Variants in PDE1C observed in about 807,000 individuals in gnomAD.
PDE1C encodes the protein dual specificity calcium/calmodulin-dependent 3',5'-cyclic nucleotide phosphodiesterase 1C.
In PDE1C, 62 loss-of-function variants were observed where a neutral mutation model predicts 93.1. The observed-to-expected ratio is 0.67, with a 90% CI of 0.54 to 0.82. The LOEUF (loss-of-function observed/expected upper bound fraction) is 0.82, where lower values mean the gene tolerates loss of function less well. Among genes scored for constraint, PDE1C ranks in the 40% least tolerant of loss-of-function variants. The pLI, the probability that PDE1C is intolerant of heterozygous loss-of-function variation, is 0.00. For synonymous variants in PDE1C, 325 were observed against 310.1 expected, an observed-to-expected ratio of 1.05 and a Z score of -0.50; for missense variants, 742 against 884.6, an observed-to-expected ratio of 0.84 and a Z score of 2.04.
At chr7:32,146,073 C>A (rs1800815855) in intron 3 of PDE1C, among the ~76,000 whole-genome samples, 1 of 152,098 alleles carries the variant, frequency 6.6e-6, no homozygotes, top group Non-Finnish European at 1.5e-5. Context: ...CTAATAATAA[C>A]AGATGGATGG....
intron 2 of PDE1C, among the ~76,000 whole-genome samples, chr7:32,204,207 T>A (rs1173021150): frequency 6.6e-6 from 1 of 152,174 alleles, no homozygotes; most frequent in Non-Finnish European, 1.5e-5. Context: ...TGGGGCAGAG[T>A]GAGATTTCAT....
chr7:32,201,312 T>C (rs1451112178), intron 2 of PDE1C, among the ~76,000 whole-genome samples: 1 of 152,176 alleles, frequency 6.6e-6, no homozygotes, highest in East Asian at 1.9e-4. Context: ...ATTGAGAGGA[T>C]AGAGGAGGAG....
chr7:31,981,608 T>C (rs948356070), intron 2 of PDE1C, among the ~76,000 whole-genome samples: 9 of 152,230 alleles, frequency 5.9e-5, no homozygotes, highest in African/African-American at 2.2e-4. Flanking sequence ...CTATTTCAAA[T>C]GACAAAATCT....
chr7:31,643,109 T>C, the PDE1C span: 6 of 1,613,962 alleles, frequency 3.7e-6, no homozygotes, highest in African/African-American at 1.3e-5. Flanking sequence ...CAGGACAGTT[T>C]TGTGAGGCCT....
rs151138900 is a variant in PDE1C at position 31,808,223 on chromosome 7, A to G, written c.1891+808T>C. The G allele has an allele frequency of 8.4e-5, 41 of 485,256 alleles. 2 individuals carry two copies. The East Asian group carries it at 2.6e-3, about 31-fold the overall frequency. 30.1% of individuals were successfully genotyped at this position (485,256 alleles called of 1,614,324 possible). ...TTCAAAGAAGAGTTTAGCATCAAAT[A>G]TGATGTCTCCAGGGAGGTATGATTT... On this transcript the variant is annotated intron_variant, in intron 16 of 17. Transcript: ENST00000396191.
chr7:31,707,413 C>G, the PDE1C span: 1 of 705,532 alleles, frequency 1.4e-6, no homozygotes, highest in Non-Finnish European at 2.3e-6. Flanking sequence ...ACCTTCTCCC[C>G]AGGAGATGTA....
chr7:32,148,299 T>C (rs1017846237), intron 3 of PDE1C, among the ~76,000 whole-genome samples: 2 of 152,138 alleles, frequency 1.3e-5, no homozygotes, highest in Non-Finnish European at 2.9e-5. Context: ...ATTTAACATA[T>C]TGTATTTAAC....
the PDE1C span, among the ~76,000 whole-genome samples, chr7:31,736,520 C>T: frequency 6.6e-6 from 1 of 152,152 alleles, no homozygotes; most frequent in Non-Finnish European, 1.5e-5. Context: ...TCTTCTCTAT[C>T]CTGGGAAACC....
chr7:32,369,288 C>T (rs1173790098), intron 1 of PDE1C, among the ~76,000 whole-genome samples: 4 of 152,190 alleles, frequency 2.6e-5, no homozygotes, highest in Non-Finnish European at 5.9e-5. Context: ...GGAACTCAAA[C>T]ATCTCAACAG....
the PDE1C span, among the ~76,000 whole-genome samples, chr7:31,678,603 A>G: frequency 6.6e-6 from 1 of 152,230 alleles, no homozygotes; most frequent in African/African-American, 2.4e-5. Flanking sequence ...CAAGCACTGT[A>G]TCAGATACTT....
intron 1 of PDE1C, among the ~76,000 whole-genome samples, chr7:32,281,381 T>A (rs1375369264): frequency 1.3e-5 from 2 of 152,188 alleles, no homozygotes; most frequent in African/African-American, 2.4e-5. Context: ...CTGAATAGCC[T>A]TAATTTTTAT....
chr7:32,064,518 T>C (rs1328943207), intron 1 of PDE1C, among the ~76,000 whole-genome samples: 1 of 152,162 alleles, frequency 6.6e-6, no homozygotes, highest in African/African-American at 2.4e-5. Context: ...CTTCCCCAAC[T>C]GGTCTCCAGG....
chr7:32,172,169 C>T (rs1802694903), intron 2 of PDE1C, among the ~76,000 whole-genome samples: 1 of 151,744 alleles, frequency 6.6e-6, no homozygotes, highest in South Asian at 2.1e-4. Flanking sequence ...AACCAATTGC[C>T]GTTGGCTTGT....
chr7:32,098,617 C>A (rs1039809160), intron 3 of PDE1C, among the ~76,000 whole-genome samples: 2 of 152,162 alleles, frequency 1.3e-5, no homozygotes, highest in African/African-American at 4.8e-5. Context: ...GATTCCAAAG[C>A]TCTTACTCTT....
chr7:32,266,831 G>A (rs1452884243), intron 1 of PDE1C, among the ~76,000 whole-genome samples: 16 of 150,122 alleles, frequency 1.1e-4, no homozygotes, highest in Non-Finnish European at 2.2e-4. Flanking sequence ...TCTTAGCCTC[G>A]GTCCTCAGAT....
chr7:31,685,689 G>C, the PDE1C span, among the ~76,000 whole-genome samples: 1 of 152,142 alleles, frequency 6.6e-6, no homozygotes, highest in South Asian at 2.1e-4. Flanking sequence ...TGCACGTCCT[G>C]CACATGTGTC....
chr7:32,412,943 T>C (rs1785201664), intron 1 of PDE1C, among the ~76,000 whole-genome samples: 1 of 152,062 alleles, frequency 6.6e-6, no homozygotes, highest in African/African-American at 2.4e-5. Context: ...TACCTAGGGA[T>C]GGGAGTACAG....
intron 3 of PDE1C, among the ~76,000 whole-genome samples, chr7:32,162,587 C>A (rs1279996625): frequency 1.3e-5 from 2 of 152,076 alleles, no homozygotes; most frequent in Non-Finnish European, 2.9e-5. Context: ...AAAAGTTCAG[C>A]AAGGCCGTTA....
intron 2 of PDE1C, among the ~76,000 whole-genome samples, chr7:31,998,864 C>G (rs1785099190): frequency 6.6e-6 from 1 of 152,016 alleles, no homozygotes; most frequent in South Asian, 2.1e-4. Flanking sequence ...GCCAAATCAA[C>G]AGTTTAATTA....
Sources: gnomAD v4.1 joint callset for allele counts (sites outside exome capture counted in the v4.1 genomes callset) on GRCh38, gnomAD v4.1.1 for gene constraint, MANE v1.5 for transcripts, NCBI Gene and HGNC (gene_info 2026-07-23, HGNC 2026-07-21) for gene names.